Variants in NQO1 observed in about 807,000 individuals in gnomAD.
The protein encoded by NQO1 is NAD(P)H quinone dehydrogenase 1.
NQO1 carries 30 observed loss-of-function variants against 32.1 expected under a neutral mutation model. That is an observed-to-expected ratio of 0.94 (90% CI 0.70 to 1.27). The LOEUF is 1.27. NQO1 is among the 50% of genes most tolerant of loss of function. The probability of loss-of-function intolerance (pLI) is 0.00; values close to 1 mark genes in which losing one functional copy is unlikely to be tolerated. For missense variants in NQO1, 276 were observed against 331.3 expected, an observed-to-expected ratio of 0.83 and a Z score of 1.30; for synonymous variants, 109 against 119.7, an observed-to-expected ratio of 0.91 and a Z score of 0.59.
At position 69,717,023 on chromosome 16, in the gene NQO1, C is replaced by G. The variant is rs900660650; in HGVS notation, c.303+1100G>C. On this transcript the variant is annotated intron_variant, in intron 3 of 5. Transcript: ENST00000320623. ...TGTGGCTTTGATTCTTAGCAACAGG[C>G]CTGTGGGTAAAATAAAGGACTTCAA... Among the ~76,000 whole-genome samples the G allele has an allele frequency of 2.0e-5, 3 of 150,032 alleles. No homozygotes were observed. In the Admixed American group the frequency reaches 2.0e-4, roughly 10 times the overall value.
At chr16:69,726,143 C>T (rs1031259948) in intron 1 of NQO1, among the ~76,000 whole-genome samples, 1 of 152,176 alleles carries the variant, frequency 6.6e-6, no homozygotes, top group Non-Finnish European at 1.5e-5. Context: ...CTCTGACGGC[C>T]AGTTTCTGAC....
At position 69,710,821 on chromosome 16, in the gene NQO1, A is replaced by G. The variant is rs2038027824; in HGVS notation, c.*155T>C. The G allele has an allele frequency of 1.2e-6, 1 of 866,834 alleles. No homozygotes were observed. Among genetic ancestry groups the G allele is most frequent in the South Asian group, 1.9e-5 (1 of 53,358 alleles). The allele number at this position is 866,834 out of a possible 1,614,324, so 53.7% of individuals were successfully genotyped here. ...TAGTAATCATAAGAATCAGTTAAAA[A>G]TGATCCAAAAATGCACGAATACAGT... On this transcript the variant is annotated 3_prime_UTR_variant, in exon 6 of 6. Transcript: ENST00000320623.
chr16:69,723,626 C>T (rs569649615), intron 1 of NQO1, among the ~76,000 whole-genome samples: 68 of 151,466 alleles, frequency 4.5e-4, no homozygotes, highest in African/African-American at 1.5e-3. Context: ...GGTGAAACCC[C>T]GTCTCTACTA....
chr16:69,719,364 A>G (rs1319629642), intron 1 of NQO1, among the ~76,000 whole-genome samples: 1 of 152,226 alleles, frequency 6.6e-6, no homozygotes, highest in East Asian at 1.9e-4. Context: ...CTATAAGAGC[A>G]AAGATGTGTA....
At chr16:69,715,858 A>G (rs1304696714) in intron 3 of NQO1, among the ~76,000 whole-genome samples, 1 of 152,108 alleles carries the variant, frequency 6.6e-6, no homozygotes, top group African/African-American at 2.4e-5. Flanking sequence ...AAATCACTCA[A>G]AAATGCAAAC....
intron 5 of NQO1, among the ~76,000 whole-genome samples, chr16:69,712,704 C>T (rs943793979): frequency 2.0e-5 from 3 of 152,248 alleles, no homozygotes; most frequent in African/African-American, 7.2e-5. Context: ...CCTGAAGGTT[C>T]GTTGAAAATG....
intron 3 of NQO1, among the ~76,000 whole-genome samples, chr16:69,717,607 CTT>C (rs937696085): frequency 2.2e-4 from 31 of 138,808 alleles, no homozygotes; most frequent in Admixed American, 2.9e-4. Context: ...TTCTTTCTTT[CTT>C]TTTTTTTTTT....
At chr16:69,723,264 C>A (rs1305815104) in intron 1 of NQO1, among the ~76,000 whole-genome samples, 1 of 152,170 alleles carries the variant, frequency 6.6e-6, no homozygotes, top group Non-Finnish European at 1.5e-5. Flanking sequence ...TGTTAACAAG[C>A]ATTTTCTAAG....
chr16:69,726,440 G>C lies in NQO1; in HGVS notation c.-1C>G. 1 of 1,611,572 alleles carries C rather than the reference G, an allele frequency of 6.2e-7. No individual in the cohort carries two copies. Among genetic ancestry groups the C allele is most frequent in the Non-Finnish European group, 8.5e-7 (1 of 1,179,514 alleles). On this transcript the variant is annotated 5_prime_UTR_variant, in exon 1 of 6. Transcript: ENST00000320623. ...GCCCTTTGCAGCACTCACCGACCAT[G>C]GCTCTGGTGCAGTCCGGGGCGCTGA...
Position 69,718,246 on chromosome 16 carries a change from C to T in NQO1, c.180G>A (p.Leu60=). Reference sequence around the variant, plus strand: ...GATACTGAAAGTTCGCAGGGTCCTTCAGTTTACCTGCAGAGAAGAAAAAGA... The same window carrying T: ...GATACTGAAAGTTCGCAGGGTCCTTTAGTTTACCTGCAGAGAAGAAAAAGA... The part of the protein sequence containing the change: ...IISRKDITGK[L]KDPANFQYPA... Residue 60 remains leucine (L), a synonymous_variant, in exon 3 of 6, where the codon CTG becomes CTA. Transcript: ENST00000320623. The T allele has an allele frequency of 2.5e-6, 4 of 1,614,110 alleles. No homozygotes were observed. The highest frequency in any genetic ancestry group is 3.4e-6 in the Non-Finnish European group (4 of 1,180,018).
chr16:69,713,049 A>T lies in NQO1; in HGVS notation c.498T>A (p.Asn166Lys). The change falls in exon 5 of 6, where the codon AAT becomes AAA. Residue 166 changes from asparagine (N) to lysine (K), a missense_variant. Asn to Lys is a moderately conservative substitution (Grantham distance 94, BLOSUM62 0). Transcript: ENST00000320623. ...YSLQGIHGDMNVILWPIQSGI... is the reference protein window; with the variant it reads ...YSLQGIHGDMKVILWPIQSGI... Reference sequence around the variant, plus strand: ...GTACCTGAATTGGCCAGAGAATGACATTCATGTCCCCGTGGATCCCTTGCA... The same window carrying T: ...GTACCTGAATTGGCCAGAGAATGACTTTCATGTCCCCGTGGATCCCTTGCA... 3 of 1,613,834 alleles carry T rather than the reference A, an allele frequency of 1.9e-6. No homozygotes were observed. In the Admixed American group the frequency reaches 5.0e-5, roughly 27 times the overall value.
At chr16:69,715,116 C>A in intron 3 of NQO1, 39 bp from the exon 4 acceptor site, 1 of 1,522,898 alleles carries the variant, frequency 6.6e-7, no homozygotes, top group Non-Finnish European at 9.1e-7. Flanking sequence ...AGACCAGGGG[C>A]TCCCCAAGCC....
intron 4 of NQO1, among the ~76,000 whole-genome samples, chr16:69,714,247 G>A (rs2038081928): frequency 6.6e-6 from 1 of 151,386 alleles, no homozygotes; most frequent in East Asian, 2.0e-4. Context: ...TTGGCTCACT[G>A]TAACCTCCAC....
intron 3 of NQO1, among the ~76,000 whole-genome samples, chr16:69,715,804 C>A (rs1236109498): frequency 6.6e-6 from 1 of 151,960 alleles, no homozygotes; most frequent in East Asian, 1.9e-4. Flanking sequence ...TTATGACTGT[C>A]CCTTGTTATC....
chr16:69,712,277 T>C (rs945308274), intron 5 of NQO1, among the ~76,000 whole-genome samples: 10 of 151,512 alleles, frequency 6.6e-5, no homozygotes, highest in Admixed American at 5.3e-4. Context: ...TGAGGTCTTA[T>C]ATGTTGCCCA....
chr16:69,717,475 C>T (rs979633823), intron 3 of NQO1, among the ~76,000 whole-genome samples: 1 of 150,574 alleles, frequency 6.6e-6, no homozygotes, highest in Non-Finnish European at 1.5e-5. Context: ...CAACAGGAAT[C>T]GCTAACCGCA....
At position 69,725,576 on chromosome 16, in the gene NQO1, T is replaced by C. The variant is rs938151460; in HGVS notation, c.7+857A>G. On this transcript the variant is annotated intron_variant, in intron 1 of 5. Transcript: ENST00000320623. ...GGTTTGCCTAATCCAAGGGCCTCAATGGAAAATGCCTCCCAAGGCCAGGCA... is the reference window on the plus strand; with the variant it reads ...GGTTTGCCTAATCCAAGGGCCTCAACGGAAAATGCCTCCCAAGGCCAGGCA... Among the ~76,000 whole-genome samples the C allele has an allele frequency of 2.6e-4, 39 of 152,196 alleles. 1 individual carries two copies. Among genetic ancestry groups the C allele is most frequent in the African/African-American group, 8.7e-4 (36 of 41,524 alleles).
intron 5 of NQO1, among the ~76,000 whole-genome samples, chr16:69,711,654 CTTTTT>C (rs903633662): frequency 7.3e-6 from 1 of 136,718 alleles, no homozygotes; most frequent in African/African-American, 2.6e-5. Context: ...TTTTCTTTTT[CTTTTT>C]TTTTTTTTTT....
At chr16:69,717,473 ATCGCTAACCGCAGGAT>A (rs745694254) in intron 3 of NQO1, among the ~76,000 whole-genome samples, 3 of 151,776 alleles carry the variant, frequency 2.0e-5, no homozygotes, top group African/African-American at 7.2e-5. Flanking sequence ...TCCAACAGGA[ATCGCTAACCGCAGGAT>A]TCGCTAACTG....
Sources: allele counts gnomAD v4.1 joint callset (sites outside exome capture counted in the v4.1 genomes callset), GRCh38; gene constraint gnomAD v4.1.1; transcripts MANE v1.5; gene names NCBI Gene and HGNC (gene_info 2026-07-23, HGNC 2026-07-21).